Variants in MORN1 observed in about 807,000 individuals in gnomAD.
MORN1 encodes MORN repeat-containing protein 1.
A neutral mutation model predicts 61.9 loss-of-function variants in MORN1; 67 were observed. That is an observed-to-expected ratio of 1.08 (90% CI 0.89 to 1.33). The LOEUF is 1.33. Ranked by LOEUF, MORN1 falls within the 40% of genes most tolerant of loss-of-function variation. The probability of loss-of-function intolerance (pLI) is 0.00; values close to 1 mark genes in which losing one functional copy is unlikely to be tolerated. For synonymous variants in MORN1, 301 were observed against 292.0 expected, an observed-to-expected ratio of 1.03 and a Z score of -0.31; for missense variants, 752 against 691.2, an observed-to-expected ratio of 1.09 and a Z score of -0.99.
At chr1:2,322,601 C>T (rs1223161793) in intron 13 of MORN1, 42 of 985,008 alleles carry the variant, frequency 4.3e-5, no homozygotes, top group East Asian at 1.1e-4. Context: ...GGGGGACACA[C>T]GTTCTGCAAC....
rs997220317 is a variant in MORN1, at chr1:2,321,337, G to C, written c.*46C>G. 5.5e-5 allele frequency: 74 copies of C among 1,333,966 alleles called. No homozygotes were observed. The highest frequency in any genetic ancestry group is 7.0e-5 in the Non-Finnish European group (70 of 997,986). The allele number at this position is 1,333,966 out of a possible 1,614,324, so 82.6% of individuals were successfully genotyped here. A position where few individuals can be genotyped will look rare whatever the true frequency, so the allele number is the denominator to read the frequency against. On this transcript the variant is annotated 3_prime_UTR_variant, in exon 14 of 14. Transcript: ENST00000378531. ...GCAGAGTCACGCAAGCAGAGGCAGC[G>C]TTTCCTTCCATTCACACCGAGGTGG...
At chr1:2,340,836 G>A (rs1641378968) in intron 10 of MORN1, among the ~76,000 whole-genome samples, 1 of 152,152 alleles carries the variant, frequency 6.6e-6, no homozygotes, top group South Asian at 2.1e-4. Flanking sequence ...AGGCCATGAT[G>A]TGAGGCTGCC....
chr1:2,372,661 G>C lies in MORN1; in HGVS notation c.635-70C>G. ...CCCCACCCACCCCATGGCTGAGTCA[G>C]CAGTGGGCACCCCAGGAACCGACCA... On this transcript the variant is annotated intron_variant, in intron 7 of 13. Transcript: ENST00000378531. The surrounding 1 kb of genome is among the most constrained non-coding windows in gnomAD (Gnocchi z 5.4). The C allele has an allele frequency of 8.0e-7, 1 of 1,247,550 alleles. No homozygotes were observed. Among genetic ancestry groups the C allele is most frequent in the South Asian group, 1.3e-5 (1 of 75,906 alleles). The allele number at this position is 1,247,550 out of a possible 1,614,324, so 77.3% of individuals were successfully genotyped here.
At chr1:2,359,668 A>T (rs940709232) in intron 8 of MORN1, among the ~76,000 whole-genome samples, 4 of 152,144 alleles carry the variant, frequency 2.6e-5, no homozygotes, top group African/African-American at 9.7e-5. Context: ...GGATCTCCTG[A>T]GGTCAGGAGT....
chr1:2,390,193 T>C (rs1642612848), intron 1 of MORN1, among the ~76,000 whole-genome samples, 197 bp from the exon 2 acceptor site: 1 of 152,142 alleles, frequency 6.6e-6, no homozygotes, highest in African/African-American at 2.4e-5. Flanking sequence ...CTCATTTGTT[T>C]ATGTGACAAG....
rs1160064940 is a variant in MORN1 at position 2,337,952 on chromosome 1, GAGGGA to G, written c.1037-1107_1037-1103del. Among the ~76,000 whole-genome samples the G allele has an allele frequency of 6.6e-6, 1 of 152,218 alleles. No homozygotes were observed. Among genetic ancestry groups the G allele is most frequent in the Non-Finnish European group, 1.5e-5 (1 of 68,048 alleles). ...AGGGTGGAGCCAAGACAGTGCCCAG[GAGGGA>G]AGGAGGAGTCAGGGGCTGCTGAGGG... is the stretch of plus-strand genomic sequence containing the variant. On this transcript the variant is annotated intron_variant, in intron 10 of 13. Coordinates refer to ENST00000378531, the MANE Select transcript of MORN1 (RefSeq NM_024848.3). The surrounding 1 kb of genome is among the most constrained non-coding windows in gnomAD (Gnocchi z 5.7).
At chr1:2,354,688 G>T (rs4648832) in intron 10 of MORN1, among the ~76,000 whole-genome samples, 2 of 152,260 alleles carry the variant, frequency 1.3e-5, no homozygotes, top group South Asian at 4.1e-4. Context: ...CCTGGGTGGA[G>T]GCCAGCATGC....
intron 10 of MORN1, among the ~76,000 whole-genome samples, chr1:2,344,351 C>T (rs965564444): frequency 5.9e-5 from 9 of 152,208 alleles, no homozygotes; most frequent in East Asian, 5.8e-4. Flanking sequence ...TGAGCACACT[C>T]GACAAGGTGG....
At chr1:2,325,318 T>C (rs1557865493) in intron 12 of MORN1, among the ~76,000 whole-genome samples, 1 of 149,516 alleles carries the variant, frequency 6.7e-6, no homozygotes, top group Non-Finnish European at 1.5e-5. Context: ...TTCTCTCCTT[T>C]CTTTCTCTAG....
At position 2,342,296 on chromosome 1, in the gene MORN1, C is replaced by T. The variant is rs565663561; in HGVS notation, c.1037-5446G>A. ...CCAGGCAGCAGGCAGGGATGCTGCC[C>T]GAATCAACAAGGCTGCTCGGGCCAG... On this transcript the variant is annotated intron_variant, in intron 10 of 13. Transcript: ENST00000378531. 7.9e-4 allele frequency among the ~76,000 whole-genome samples: 121 copies of T among 152,330 alleles called. 1 individual carries two copies. Among genetic ancestry groups the T allele is most frequent in the Middle Eastern group, 3.4e-3 (1 of 294 alleles).
chr1:2,323,772 T>G, intron 13 of MORN1: 2 of 985,232 alleles, frequency 2.0e-6, no homozygotes, highest in Non-Finnish European at 2.4e-6. Flanking sequence ...ACAGCTCCCC[T>G]CGGCTCCCCT....
intron 10 of MORN1, among the ~76,000 whole-genome samples, chr1:2,339,140 C>T (rs540713510): frequency 2.6e-5 from 4 of 152,194 alleles, no homozygotes; most frequent in Admixed American, 6.5e-5. Flanking sequence ...TTGTTGCAAG[C>T]GAGAGAAACG....
intron 12 of MORN1, among the ~76,000 whole-genome samples, chr1:2,335,385 C>T (rs546832943): frequency 1.3e-5 from 2 of 152,192 alleles, no homozygotes; most frequent in African/African-American, 2.4e-5. Context: ...TTCTGTTTGC[C>T]GGATGGGCAG....
chr1:2,358,641 A>C lies in MORN1; in HGVS notation c.820T>G (p.Phe274Val), dbSNP rs1263378398. 6.8e-6 allele frequency: 11 copies of C among 1,614,066 alleles called. No homozygotes were observed. Among genetic ancestry groups the C allele is most frequent in the Non-Finnish European group, 9.3e-6 (11 of 1,180,006 alleles). ...TGGTTGTCTCTGTCCACTTTGAAAAAGTTGACCTCAGAGTAGGCTGACAGC... is the reference window on the plus strand; with the variant it reads ...TGGTTGTCTCTGTCCACTTTGAAAACGTTGACCTCAGAGTAGGCTGACAGC... Reference protein sequence around the residue: ...VQLSAYSEVNFFKVDRDNQET... With the variant: ...VQLSAYSEVNVFKVDRDNQET... The change falls in exon 9 of 14, where the codon TTT becomes GTT. Residue 274 changes from phenylalanine (F) to valine (V), a missense_variant. Transcript: ENST00000378531.
At chr1:2,390,612 A>T (rs1386386948) in intron 1 of MORN1, 8 of 985,270 alleles carry the variant, frequency 8.1e-6, no homozygotes, top group Non-Finnish European at 9.6e-6. Flanking sequence ...AATGTCGGGG[A>T]GGAGGGCAGG....
chr1:2,350,370 G>A (rs906096686), intron 10 of MORN1: 5 of 152,196 alleles, frequency 3.3e-5, no homozygotes, highest in African/African-American at 1.2e-4. Flanking sequence ...ACTGTGATGT[G>A]CAATTATGTA....
rs910204948 is a variant in MORN1 at position 2,334,188 on chromosome 1, C to T, written c.1250+2281G>A. Among the ~76,000 whole-genome samples, 3 of 151,432 alleles carry T rather than the reference C, an allele frequency of 2.0e-5. No homozygotes were observed. Among genetic ancestry groups the T allele is most frequent in the South Asian group, 2.1e-4 (1 of 4,730 alleles). On this transcript the variant is annotated intron_variant, in intron 12 of 13. Coordinates refer to ENST00000378531, the MANE Select transcript of MORN1 (RefSeq NM_024848.3). This position sits in a 1 kb window ranked among gnomAD's most constrained non-coding sequence, Gnocchi z 5.4. The stretch of plus-strand genomic sequence containing the variant: ...GAGCTGGGGAGGTCCTGGAAGAGGT[C>T]GTGAGGTCGACGCCCCGGTCAGCCA...
At chr1:2,380,008 G>A (rs996867048) in intron 6 of MORN1, among the ~76,000 whole-genome samples, 14 of 152,204 alleles carry the variant, frequency 9.2e-5, no homozygotes, top group African/African-American at 2.9e-4. Flanking sequence ...GCAGAGAAGC[G>A]TGTCTGTCCA....
Position 2,370,114 on chromosome 1 carries a change from C to T in MORN1, c.745+2367G>A, listed in dbSNP as rs141560161. On this transcript the variant is annotated intron_variant, in intron 8 of 13. Transcript: ENST00000378531. ...CTAAAAGCAACAAGAATCCAGATAG[C>T]GTGGCCCTGGCATAGACTGAGGATA... Among the ~76,000 whole-genome samples, 22 of 152,304 alleles carry T rather than the reference C, an allele frequency of 1.4e-4. No individual in the cohort carries two copies. In the East Asian group the frequency reaches 2.1e-3, roughly 15 times the overall value.
Sources: gnomAD v4.1 joint callset for allele counts (sites outside exome capture counted in the v4.1 genomes callset) on GRCh38, gnomAD v4.1.1 for gene constraint, Gnocchi (gnomAD v3.1) non-coding constraint, MANE v1.5 for transcripts, NCBI Gene and HGNC (gene_info 2026-07-23, HGNC 2026-07-21) for gene names.